DPP10: variants seen among roughly 807,000 people sequenced by gnomAD.
The protein encoded by DPP10 is dipeptidyl peptidase like 10.
DPP10 carries 33 observed loss-of-function variants against 120.9 expected under a neutral mutation model. The observed-to-expected ratio is 0.27, with a 90% confidence interval of 0.21 to 0.37. The LOEUF is 0.37. Among genes scored for constraint, DPP10 ranks in the 10% least tolerant of loss-of-function variants. The pLI is 1.00. For synonymous variants in DPP10, 337 were observed against 326.1 expected (o/e 1.03, Z -0.36); for missense variants, 816 against 942.8 (o/e 0.87, Z 1.76).
intron 3 of DPP10, among the ~76,000 whole-genome samples, chr2:115,407,457 C>T (rs35393844): frequency 0.2 from 30,427 of 152,096 alleles, 3,627 homozygotes; most frequent in East Asian, 0.38. Context: ...TCAGATCTCC[C>T]TCAGAGGCCA....
At chr2:115,089,176 T>C (rs1709032995) in intron 1 of DPP10, among the ~76,000 whole-genome samples, 1 of 152,222 alleles carries the variant, frequency 6.6e-6, no homozygotes, top group Non-Finnish European at 1.5e-5. Context: ...TCTGCTTTCA[T>C]TGTTTTTCTG....
At chr2:115,294,015 G>A (rs925038713) in intron 1 of DPP10, among the ~76,000 whole-genome samples, 1 of 152,116 alleles carries the variant, frequency 6.6e-6, no homozygotes, top group African/African-American at 2.4e-5. Flanking sequence ...CACTCAGTCT[G>A]TTAGTGTATA....
intron 5 of DPP10, among the ~76,000 whole-genome samples, chr2:115,577,537 T>A (rs1329119039): frequency 6.6e-6 from 1 of 152,230 alleles, no homozygotes; most frequent in Non-Finnish European, 1.5e-5. Flanking sequence ...GTTAGTATTC[T>A]TGTAGTTATT....
At chr2:115,016,930 T>C (rs1425053209) in intron 1 of DPP10, among the ~76,000 whole-genome samples, 1 of 151,884 alleles carries the variant, frequency 6.6e-6, no homozygotes, top group Non-Finnish European at 1.5e-5. Flanking sequence ...AATTGGAAAT[T>C]ATCATTCTCA....
intron 1 of DPP10, among the ~76,000 whole-genome samples, chr2:114,620,548 C>T (rs947128500): frequency 1.5e-4 from 23 of 152,040 alleles, no homozygotes; most frequent in African/African-American, 5.5e-4. Context: ...ATTATAAAAA[C>T]CCTGTATGTG....
At chr2:115,251,879 A>C (rs931548482) in intron 1 of DPP10, among the ~76,000 whole-genome samples, 1 of 152,230 alleles carries the variant, frequency 6.6e-6, no homozygotes, top group African/African-American at 2.4e-5. Flanking sequence ...TGACAAAAGC[A>C]TAGGCTGTAG....
chr2:114,480,362 A>T (rs945192005), intron 1 of DPP10, among the ~76,000 whole-genome samples: 3 of 152,032 alleles, frequency 2.0e-5, no homozygotes, highest in Non-Finnish European at 4.4e-5. Flanking sequence ...CTGGGTATAT[A>T]CCCAAAGGAT....
At chr2:114,636,431 G>A (rs1369881176) in intron 1 of DPP10, among the ~76,000 whole-genome samples, 2 of 151,878 alleles carry the variant, frequency 1.3e-5, no homozygotes, top group East Asian at 1.9e-4. Flanking sequence ...CCAAATATTC[G>A]GTGCCAAAGA....
chr2:115,206,032 T>C (rs2056098639), intron 1 of DPP10, among the ~76,000 whole-genome samples: 1 of 152,140 alleles, frequency 6.6e-6, no homozygotes, highest in South Asian at 2.1e-4. Flanking sequence ...AAATTAAAAG[T>C]TGAAACTAAA....
intron 1 of DPP10, among the ~76,000 whole-genome samples, chr2:115,048,879 T>C (rs1426970570): frequency 6.6e-6 from 1 of 152,128 alleles, no homozygotes; most frequent in African/African-American, 2.4e-5. Context: ...CATGTATAAT[T>C]CATTATGTTT....
In DPP10 at chr2:114,534,834, G is replaced by A. The variant is rs577313906; in HGVS notation, c.60+91996G>A. Among the ~76,000 whole-genome samples, 15 of 152,110 alleles carry A rather than the reference G, an allele frequency of 9.9e-5. No homozygotes were observed. In the East Asian group the frequency reaches 2.9e-3, roughly 29 times the overall value. ...CTTAGATGGCTTCACCCAAATATCTGTTACTTTGACCTCTTCCTTCCCTTT... is the reference window on the plus strand; with the variant it reads ...CTTAGATGGCTTCACCCAAATATCTATTACTTTGACCTCTTCCTTCCCTTT... On this transcript the variant is annotated intron_variant, in intron 1 of 25. Transcript: ENST00000410059.
In DPP10 at chr2:115,091,293, T is replaced by C. The variant is rs573189343; in HGVS notation, c.61-217946T>C. Reference sequence around the variant, plus strand: ...TCAGACCACTTTCACACTTCTAAACTTCATCCACATTTTCCACAGAGTCAT... The same window carrying C: ...TCAGACCACTTTCACACTTCTAAACCTCATCCACATTTTCCACAGAGTCAT... On this transcript the variant is annotated intron_variant, in intron 1 of 25. Transcript: ENST00000410059. 2.0e-5 allele frequency among the ~76,000 whole-genome samples: 3 copies of C among 152,314 alleles called. No individual in the cohort carries two copies. In the South Asian group the frequency reaches 6.2e-4, roughly 32 times the overall value.
At chr2:114,580,983 G>C (rs1317214771) in intron 1 of DPP10, among the ~76,000 whole-genome samples, 1 of 151,776 alleles carries the variant, frequency 6.6e-6, no homozygotes, top group Non-Finnish European at 1.5e-5. Context: ...ACTTAAAAAG[G>C]GACCAAAAGA....
chr2:115,740,025 C>T (rs1677059585), intron 9 of DPP10, 132 bp downstream of exon 9: 1 of 931,764 alleles, frequency 1.1e-6, no homozygotes, highest in African/African-American at 1.7e-5. Context: ...TCAGACTCAT[C>T]ACTTTCGATC....
chr2:115,246,543 A>G (rs2058542218), intron 1 of DPP10, among the ~76,000 whole-genome samples: 1 of 152,152 alleles, frequency 6.6e-6, no homozygotes, highest in South Asian at 2.1e-4. Flanking sequence ...TCACAGAGAC[A>G]GGAGAAATGT....
At chr2:114,447,622 C>T (rs1382401344) in intron 1 of DPP10, among the ~76,000 whole-genome samples, 6 of 152,054 alleles carry the variant, frequency 3.9e-5, no homozygotes, top group Admixed American at 1.3e-4. Context: ...GAACTTTACT[C>T]ATAAGAATAC....
intron 1 of DPP10, among the ~76,000 whole-genome samples, chr2:114,755,963 A>T (rs1189293239): frequency 6.6e-6 from 1 of 151,776 alleles, no homozygotes; most frequent in Non-Finnish European, 1.5e-5. Context: ...AAAAAAAAAA[A>T]AAAAAGAAAT....
intron 1 of DPP10, among the ~76,000 whole-genome samples, chr2:114,661,016 A>G (rs1278834027): frequency 6.6e-6 from 1 of 152,242 alleles, no homozygotes; most frequent in Admixed American, 6.5e-5. Context: ...TGCTAAAATC[A>G]GAATTATACA....
chr2:114,704,268 A>G lies in DPP10; in HGVS notation c.60+261430A>G, dbSNP rs180991721. On this transcript the variant is annotated intron_variant, in intron 1 of 25. Transcript: ENST00000410059. ...TGGTGATAGACAATCAAAGATGGAAAGGATCCGTGTGGCCTGAAATAAGAT... is the reference window on the plus strand; with the variant it reads ...TGGTGATAGACAATCAAAGATGGAAGGGATCCGTGTGGCCTGAAATAAGAT... 2.6e-5 allele frequency among the ~76,000 whole-genome samples: 4 copies of G among 152,252 alleles called. No individual in the cohort carries two copies. The East Asian group carries it at 7.7e-4, about 29-fold the overall frequency.
Sources: allele counts gnomAD v4.1 joint callset (sites outside exome capture counted in the v4.1 genomes callset), GRCh38; gene constraint gnomAD v4.1.1; transcripts MANE v1.5; gene names NCBI Gene and HGNC (gene_info 2026-07-23, HGNC 2026-07-21).